The following GPR89B variants were observed in gnomAD, a reference collection of about 807,000 sequenced individuals.
GPR89B encodes the protein G protein-coupled receptor 89B.
A neutral mutation model predicts 52.4 loss-of-function variants in GPR89B; 25 were observed. That is an observed-to-expected ratio of 0.48 (90% CI 0.35 to 0.67). The LOEUF is 0.67. GPR89B is among the 30% of genes least tolerant of loss of function. GPR89B has a pLI of 0.01. For missense variants in GPR89B, 146 were observed against 450.2 expected (o/e 0.32, Z 6.11); for synonymous variants, 52 against 151.2 (o/e 0.34, Z 4.81).
the GPR89B span, among the ~76,000 whole-genome samples, chr1:148,018,917 C>T: frequency 4.6e-5 from 7 of 151,370 alleles, no homozygotes; most frequent in South Asian, 2.1e-4. Flanking sequence ...CCGCCCGCCT[C>T]GGCCTCCCAA....
chr1:147,981,048 T>C (rs1380914692), intron 10 of GPR89B, among the ~76,000 whole-genome samples: 1 of 151,752 alleles, frequency 6.6e-6, no homozygotes, highest in Non-Finnish European at 1.5e-5. Flanking sequence ...GCTTTTTAAA[T>C]GTAATTTTAA....
rs587620822 is a variant in GPR89B at position 147,947,135 on chromosome 1, G to A, written c.415+3037G>A. 4.0e-3 allele frequency among the ~76,000 whole-genome samples: 607 copies of A among 152,092 alleles called. 4 individuals carry two copies. Among genetic ancestry groups the A allele is most frequent in the African/African-American group, 0.014 (571 of 41,458 alleles). ...ATATCACTTGAGGCCAGGAGTTAGA[G>A]ACCAGCCTGGCCAACATGGCAAAAC... is the stretch of plus-strand genomic sequence containing the variant. On this transcript the variant is annotated intron_variant, in intron 5 of 13. Transcript: ENST00000314163.
At chr1:147,975,438 C>G (rs1345464092) in intron 10 of GPR89B, among the ~76,000 whole-genome samples, 1 of 149,060 alleles carries the variant, frequency 6.7e-6, no homozygotes, top group African/African-American at 2.5e-5. Flanking sequence ...TCTAGATTTT[C>G]TAGTTGATTT....
At chr1:147,987,112 A>G (rs1658723717) in intron 11 of GPR89B, among the ~76,000 whole-genome samples, 1 of 152,334 alleles carries the variant, frequency 6.6e-6, no homozygotes, top group Admixed American at 6.5e-5. Flanking sequence ...TTGAGCCCCA[A>G]TCCTTGAGAA....
At chr1:147,989,701 G>A (rs1475550974) in intron 12 of GPR89B, among the ~76,000 whole-genome samples, 3 of 151,950 alleles carry the variant, frequency 2.0e-5, no homozygotes, top group Non-Finnish European at 2.9e-5. Flanking sequence ...TTGTCCTTGC[G>A]ATAGTTTGCT....
chr1:148,003,736 G>A, the GPR89B span: 147 of 446,208 alleles, frequency 3.3e-4, no homozygotes, highest in Admixed American at 9.6e-4. Context: ...GAGTCAGAAT[G>A]GGATGAGGAA....
intron 12 of GPR89B, among the ~76,000 whole-genome samples, chr1:147,990,947 A>G (rs1218611059): frequency 3.5e-4 from 53 of 151,764 alleles, no homozygotes; most frequent in African/African-American, 1.3e-3. Context: ...TTTTGGTTCC[A>G]TATGAACTTT....
At chr1:147,935,382 C>T (rs1653996693) in intron 1 of GPR89B, among the ~76,000 whole-genome samples, 2 of 152,096 alleles carry the variant, frequency 1.3e-5, no homozygotes, top group African/African-American at 4.8e-5. Flanking sequence ...AAAGTAGTCC[C>T]TAGAAAGACA....
At chr1:148,017,120 C>T in the GPR89B span, among the ~76,000 whole-genome samples, 3 of 151,812 alleles carry the variant, frequency 2.0e-5, no homozygotes, top group East Asian at 3.9e-4. Context: ...TGGCTCACTG[C>T]ACCCTCCGCC....
chr1:147,978,623 C>T (rs1185886247), intron 10 of GPR89B, among the ~76,000 whole-genome samples: 1 of 151,340 alleles, frequency 6.6e-6, no homozygotes, highest in Non-Finnish European at 1.5e-5. Context: ...CCCCTGCCCC[C>T]AGGGGCTCCT....
intron 3 of GPR89B, among the ~76,000 whole-genome samples, chr1:147,941,513 C>T (rs1553248915): frequency 1.3e-5 from 2 of 151,288 alleles, no homozygotes; most frequent in African/African-American, 4.9e-5. Context: ...TTTCGTGATG[C>T]CTGCCATCTG....
chr1:147,970,641 G>A (rs1239519134), intron 10 of GPR89B, among the ~76,000 whole-genome samples: 1 of 150,188 alleles, frequency 6.7e-6, no homozygotes, highest in African/African-American at 2.5e-5. Context: ...GTACATAACT[G>A]TATATATAAC....
the GPR89B span, among the ~76,000 whole-genome samples, chr1:148,019,196 C>T: frequency 6.6e-6 from 1 of 151,188 alleles, no homozygotes; most frequent in South Asian, 2.1e-4. Flanking sequence ...AGGCTGGTCT[C>T]GAACTCCTGA....
At chr1:147,994,402 A>C (rs1360825366), downstream of GPR89B, 1 of 1,139,952 alleles carries the variant, frequency 8.8e-7, no homozygotes, top group Non-Finnish European at 1.3e-6. Flanking sequence ...GTAATGAAAG[A>C]GGGATGATCT....
intron 9 of GPR89B, chr1:147,969,422 G>A (rs1305088465): frequency 9.7e-6 from 2 of 205,780 alleles, no homozygotes; most frequent in Admixed American, 1.1e-4. Context: ...TAATTTAAAT[G>A]TGCAAAATCT....
In GPR89B at chr1:147,959,167, A is replaced by G. The variant is rs1656352797; in HGVS notation, c.617+4765A>G. Among the ~76,000 whole-genome samples, 6 of 152,256 alleles carry G rather than the reference A, an allele frequency of 3.9e-5. No homozygotes were observed. The South Asian group carries it at 8.3e-4, about 21-fold the overall frequency. On this transcript the variant is annotated intron_variant, in intron 7 of 13. Transcript: ENST00000314163. ...ACATTTGTTATGTACAAAAAAGTTA[A>G]TGGTTTAAAATGGGAGGAGGAAAGA...
At chr1:147,981,259 G>C (rs1312158478) in intron 10 of GPR89B, among the ~76,000 whole-genome samples, 1 of 148,138 alleles carries the variant, frequency 6.8e-6, no homozygotes, top group African/African-American at 2.5e-5. Flanking sequence ...CTTGAGCCCA[G>C]GAGTTTGAGA....
chr1:147,994,629 T>G (rs1479996670), downstream of GPR89B, among the ~76,000 whole-genome samples: 1 of 152,326 alleles, frequency 6.6e-6, no homozygotes, highest in African/African-American at 2.4e-5. Flanking sequence ...GTTTTCAACT[T>G]GCTGTTTGAC....
At chr1:148,005,479 G>A in the GPR89B span, 1 of 1,605,284 alleles carries the variant, frequency 6.2e-7, no homozygotes, top group Non-Finnish European at 8.5e-7. Context: ...ACCTTGAGGT[G>A]TAATATCAGT....
Sources: allele counts gnomAD v4.1 joint callset (sites outside exome capture counted in the v4.1 genomes callset), GRCh38; gene constraint gnomAD v4.1.1; transcripts MANE v1.5; gene names NCBI Gene and HGNC (gene_info 2026-07-23, HGNC 2026-07-21).